Variants in CRYBG3 observed in about 807,000 individuals in gnomAD.
CRYBG3 encodes the protein very large A-kinase anchor protein.
CRYBG3 carries 127 observed loss-of-function variants against 244.2 expected under a neutral mutation model. The observed-to-expected ratio is 0.52, with a 90% CI of 0.45 to 0.60. CRYBG3 has a LOEUF of 0.60. CRYBG3 is among the 20% of genes least tolerant of loss of function. CRYBG3 has a pLI of 0.00. For missense variants in CRYBG3, 3,325 were observed against 3,442.5 expected, an observed-to-expected ratio of 0.97 and a Z score of 0.85; for synonymous variants, 1,132 against 1,195.8, an observed-to-expected ratio of 0.95 and a Z score of 1.10.
Position 97,871,879 on chromosome 3 carries a change from T to A in CRYBG3, c.685T>A (p.Tyr229Asn). 6.6e-7 allele frequency: 1 copy of A among 1,525,928 alleles called. No homozygotes were observed. Among genetic ancestry groups the A allele is most frequent in the Non-Finnish European group, 8.7e-7 (1 of 1,143,858 alleles). 94.5% of individuals were successfully genotyped at this position (1,525,928 alleles called of 1,614,324 possible). A position where few individuals can be genotyped will look rare whatever the true frequency, so the allele number is the denominator to read the frequency against. ...TAAACCAGAGAAGCCTTCAGTAACA[T>A]ATGCAACATATCGAGGCCCAAGACA... ...DGKPEKPSVT[Y>N]ATYRGPRHIG... The change falls in exon 4 of 22, where the codon TAT becomes AAT. Residue 229 changes from tyrosine to asparagine, a missense_variant. Around this residue, in one of 4 missense-constraint regions of CRYBG3, gnomAD observed 1,526 missense variants for 1,443.2 expected, o/e 1.06. Coordinates refer to ENST00000389622, the MANE Select transcript of CRYBG3 (RefSeq NM_153605.4).
intron 1 of CRYBG3, among the ~76,000 whole-genome samples, chr3:97,834,844 A>G (rs1559712745): frequency 6.6e-6 from 1 of 152,050 alleles, no homozygotes; most frequent in Non-Finnish European, 1.5e-5. Flanking sequence ...TTTCTTTTTC[A>G]TCAACTATGC....
chr3:97,860,110 C>T (rs1440524065), intron 2 of CRYBG3, among the ~76,000 whole-genome samples: 1 of 152,144 alleles, frequency 6.6e-6, no homozygotes, highest in Non-Finnish European at 1.5e-5. Context: ...TCCTTGTTAG[C>T]TACTCACTGT....
At chr3:97,833,579 G>A (rs1243251252) in intron 1 of CRYBG3, among the ~76,000 whole-genome samples, 3 of 152,038 alleles carry the variant, frequency 2.0e-5, no homozygotes, top group Non-Finnish European at 2.9e-5. Context: ...GTCAGGGGGT[G>A]TCTAGGGGAG....
chr3:97,837,960 T>A (rs902240581), intron 1 of CRYBG3, among the ~76,000 whole-genome samples: 2 of 152,012 alleles, frequency 1.3e-5, no homozygotes, highest in Admixed American at 1.3e-4. Context: ...GGAGGAGAGC[T>A]TTACTCTCCC....
intron 2 of CRYBG3, 70 bp downstream of exon 2, chr3:97,843,331 C>A: frequency 1.2e-6 from 1 of 801,540 alleles, no homozygotes; most frequent in Non-Finnish European, 2.0e-6. Flanking sequence ...CTTTTAGATT[C>A]TGTCATCTTA....
rs2039312853 is a variant in CRYBG3, at chr3:97,872,177, C to T, written c.983C>T (p.Ser328Phe). 6.5e-7 allele frequency: 1 copy of T among 1,535,514 alleles called. No individual in the cohort carries two copies. Among genetic ancestry groups the T allele is most frequent in the African/African-American group, 1.4e-5 (1 of 73,032 alleles). ...TNNPELQNIASSNNLLNKNAW... is the reference protein window; with the variant it reads ...TNNPELQNIAFSNNLLNKNAW... ...AACCCAGAACTGCAGAATATTGCCT[C>T]TTCCAATAATCTTTTAAATAAAAAT... The change falls in exon 4 of 22, where the codon TCT (serine) becomes TTT (phenylalanine). Residue 328 changes from serine (S) to phenylalanine (F), a missense_variant. Transcript: ENST00000389622.
intron 14 of CRYBG3, 55 bp from the exon 15 acceptor site, chr3:97,900,398 C>T: frequency 8.8e-7 from 1 of 1,138,274 alleles, no homozygotes. Flanking sequence ...TCAAAACTTT[C>T]AAAAAGACAG....
At chr3:97,900,353 A>G (rs1271551332) in intron 14 of CRYBG3, 100 bp from the exon 15 acceptor site, 3 of 729,660 alleles carry the variant, frequency 4.1e-6, no homozygotes, top group Non-Finnish European at 7.0e-6. Flanking sequence ...GTCTCAAAAA[A>G]GAAAAGAAAA....
In CRYBG3 at chr3:97,877,124, C is replaced by T; in HGVS notation, c.5930C>T (p.Thr1977Ile). ...GCAATATATGACAAGAGGAGAGAGA[C>T]AGATTATAGTGACAAAGGATATAAT... The part of the protein sequence containing the change: ...LTAIYDKRRE[T>I]DYSDKGYNLA... Residue 1977 changes from threonine to isoleucine, a missense_variant, in exon 4 of 22, where the codon ACA (threonine) becomes ATA (isoleucine). Transcript: ENST00000389622. 6.2e-7 allele frequency: 1 copy of T among 1,613,786 alleles called. No individual in the cohort carries two copies. Among genetic ancestry groups the T allele is most frequent in the Middle Eastern group, 1.7e-4 (1 of 6,038 alleles).
chr3:97,864,116 T>C (rs958475930), intron 2 of CRYBG3, 101 bp from the exon 3 acceptor site: 50 of 924,424 alleles, frequency 5.4e-5, no homozygotes, highest in Non-Finnish European at 9.4e-6. Context: ...TATTCACAAA[T>C]GTATCCCTGG....
chr3:97,941,078 TTCC>T (rs2040223109), intron 19 of CRYBG3, 67 bp from the exon 20 acceptor site: 12 of 1,340,528 alleles, frequency 9.0e-6, no homozygotes, highest in South Asian at 6.9e-5. Context: ...CCTCCCAGCT[TTCC>T]TCCTCTGGAA....
chr3:97,886,808 C>A, intron 8 of CRYBG3, 41 bp downstream of exon 8: 2 of 1,460,902 alleles, frequency 1.4e-6, no homozygotes, highest in Middle Eastern at 1.8e-4. Context: ...TTGATGGCCA[C>A]CAATTTCATA....
intron 1 of CRYBG3, among the ~76,000 whole-genome samples, chr3:97,832,960 A>C (rs535185138): frequency 6.6e-6 from 1 of 152,354 alleles, no homozygotes; most frequent in African/African-American, 2.4e-5. Flanking sequence ...GAGCATATGA[A>C]AAAAAGCTCA....
At chr3:97,887,175 A>G (rs935481448) in intron 8 of CRYBG3, among the ~76,000 whole-genome samples, 3 of 152,056 alleles carry the variant, frequency 2.0e-5, no homozygotes, top group African/African-American at 7.2e-5. Flanking sequence ...AGATGGTGTT[A>G]CTCTCATATT....
intron 17 of CRYBG3, chr3:97,924,109 G>A (rs138933886): frequency 0.01 from 2,615 of 257,356 alleles, 34 homozygotes; most frequent in Non-Finnish European, 0.013. Flanking sequence ...ATGGGACAGA[G>A]GAATAGGGTA....
intron 2 of CRYBG3, among the ~76,000 whole-genome samples, chr3:97,844,675 A>G (rs1437023813): frequency 6.6e-6 from 1 of 152,156 alleles, no homozygotes; most frequent in Non-Finnish European, 1.5e-5. Flanking sequence ...CCAAACTTGG[A>G]TAAATTCAGC....
At position 97,906,060 on chromosome 3, in the gene CRYBG3, T is replaced by G. The variant is rs1178252866; in HGVS notation, c.8004+5575T>G. Among the ~76,000 whole-genome samples, 942 of 144,780 alleles carry G rather than the reference T, an allele frequency of 6.5e-3. 11 individuals carry two copies. The highest frequency in any genetic ancestry group is 0.022 in the African/African-American group (882 of 39,698). The allele number at this position is 144,780 out of a possible 152,430, so 95.0% of individuals were successfully genotyped here. Reference sequence around the variant, plus strand: ...GTCAAAGATCAGATAGTTGTAGATATGCGGCGTTATTTCTGAGGGCTCTGT... The same window carrying G: ...GTCAAAGATCAGATAGTTGTAGATAGGCGGCGTTATTTCTGAGGGCTCTGT... On this transcript the variant is annotated intron_variant, in intron 15 of 21. Coordinates refer to ENST00000389622, the MANE Select transcript of CRYBG3 (RefSeq NM_153605.4).
Position 97,876,349 on chromosome 3 carries a change from CA to C in CRYBG3, c.5159del (p.Lys1720ArgfsTer12). 8.1e-7 allele frequency: 1 copy of C among 1,231,700 alleles called. No homozygotes were observed. Among genetic ancestry groups the C allele is most frequent in the Non-Finnish European group, 1.0e-6 (1 of 987,862 alleles). The allele number at this position is 1,231,700 out of a possible 1,614,324, so 76.3% of individuals were successfully genotyped here. A position where few individuals can be genotyped will look rare whatever the true frequency, so the allele number is the denominator to read the frequency against. On this transcript the variant is annotated frameshift_variant, in exon 4 of 22. Transcript: ENST00000389622. LOFTEE classifies it high-confidence loss of function. ...TACATTAGCAATGGAAAATACTTAC[CA>C]AAAGGATGCTGAAGGGGATATTGGA... The part of the protein sequence containing the change: ...PVTLAMENTY[Q>X]KDAEGDIGKA...
At chr3:97,886,596 G>C (rs2039509410) in intron 7 of CRYBG3, 35 bp from the exon 8 acceptor site, 1 of 1,572,426 alleles carries the variant, frequency 6.4e-7, no homozygotes, top group Non-Finnish European at 8.6e-7. Context: ...TGTGACTCTA[G>C]TTGATTTCAA....
Sources: gnomAD v4.1 joint callset for allele counts (sites outside exome capture counted in the v4.1 genomes callset) on GRCh38, gnomAD v4.1.1 for gene constraint, gnomAD v4.1.1 regional missense constraint, MANE v1.5 for transcripts, NCBI Gene and HGNC (gene_info 2026-07-23, HGNC 2026-07-21) for gene names.